Variants in FRMPD1 observed in about 807,000 individuals in gnomAD.
The protein encoded by FRMPD1 is FERM and PDZ domain containing 1, also known as FERM and PDZ domain-containing protein 1.
Under a neutral mutation model 117.8 loss-of-function variants are expected in FRMPD1, and 76 were observed. That is an observed-to-expected ratio of 0.65 (90% CI 0.54 to 0.78). The LOEUF (loss-of-function observed/expected upper bound fraction) is 0.78. Among genes scored for constraint, FRMPD1 ranks in the 30% least tolerant of loss-of-function variants. The pLI is 0.00. For missense variants in FRMPD1, 1,786 were observed against 1,964.5 expected, an observed-to-expected ratio of 0.91 and a Z score of 1.72; for synonymous variants, 783 against 770.4, an observed-to-expected ratio of 1.02 and a Z score of -0.27.
chr9:37,692,659 C>T lies in FRMPD1; in HGVS notation c.18C>T (p.Thr6=). MEELE[T]SLFQTRKAHR... ...TTAGGTAAATGGAAGAGCTGGAGAC[C>T]AGTTTATTCCAGACACGGAAAGCAC... The change falls in exon 2 of 16, where the codon ACC becomes ACT. Residue 6 remains threonine (T), a synonymous_variant. Transcript: ENST00000377765. 1 of 1,611,866 alleles carries T rather than the reference C, an allele frequency of 6.2e-7. No individual in the cohort carries two copies. The highest frequency in any genetic ancestry group is 8.5e-7 in the Non-Finnish European group (1 of 1,177,984).
chr9:37,732,007 T>C (rs1823905466), intron 9 of FRMPD1, among the ~76,000 whole-genome samples: 1 of 152,132 alleles, frequency 6.6e-6, no homozygotes, highest in South Asian at 2.1e-4. Flanking sequence ...ATAATAGCAA[T>C]AACAACGCCA....
chr9:37,671,320 A>G (rs918464340), intron 1 of FRMPD1, among the ~76,000 whole-genome samples: 5 of 152,218 alleles, frequency 3.3e-5, no homozygotes, highest in African/African-American at 1.2e-4. Flanking sequence ...CTTGAATGTC[A>G]TGAATATTTA....
rs1259716809 is a variant in FRMPD1 at position 37,744,436 on chromosome 9, A to G, written c.2404A>G (p.Asn802Asp). ...TAEPSATSLQ[N>D]KASTSSPENS... The stretch of plus-strand genomic sequence containing the variant: ...AGAACCCAGTGCCACAAGCTTGCAG[A>G]ATAAGGCCAGCACTTCTAGCCCTGA... Residue 802 changes from asparagine to aspartate, a missense_variant, in exon 16 of 16, where the codon AAT becomes GAT. By Grantham distance (23) the Asn-to-Asp change is conservative. Transcript: ENST00000377765. 1 of 1,613,528 alleles carries G rather than the reference A, an allele frequency of 6.2e-7. No individual in the cohort carries two copies.
At chr9:37,743,520 C>CTTTTTTT (rs531949141) in intron 15 of FRMPD1, among the ~76,000 whole-genome samples, 4 of 40,934 alleles carry the variant, frequency 9.8e-5, no homozygotes, top group African/African-American at 2.2e-4. Flanking sequence ...AATGGCTCTG[C>CTTTTTTT]TTTTTTTTTT....
chr9:37,701,744 A>G (rs1214693309), intron 2 of FRMPD1, among the ~76,000 whole-genome samples: 3 of 152,116 alleles, frequency 2.0e-5, no homozygotes, highest in Admixed American at 1.3e-4. Flanking sequence ...AGTCAGGGGA[A>G]ACACATGAAC....
At position 37,707,407 on chromosome 9, in the gene FRMPD1, C is replaced by G; in HGVS notation, c.102-9C>G. ...TCTTTCTCTTTTTTACATACTCCTT[C>G]TCTTCCAGGGCTAAAGTTGCTGCAG... On this transcript the variant is annotated splice_polypyrimidine_tract_variant and intron_variant, in intron 2 of 15. Coordinates refer to ENST00000377765, the MANE Select transcript of FRMPD1 (RefSeq NM_014907.3). The G allele has an allele frequency of 6.2e-7, 1 of 1,612,460 alleles. No homozygotes were observed.
chr9:37,714,242 C>G (rs1483086861), intron 5 of FRMPD1, among the ~76,000 whole-genome samples: 1 of 152,228 alleles, frequency 6.6e-6, no homozygotes, highest in African/African-American at 2.4e-5. Context: ...TGGTTATCAT[C>G]TCATTGGAGA....
At chr9:37,610,324 A>G in the FRMPD1 span, among the ~76,000 whole-genome samples, 1 of 152,312 alleles carries the variant, frequency 6.6e-6, no homozygotes. Flanking sequence ...TTTTTACTTC[A>G]GTATCCTTAG....
intron 10 of FRMPD1, 113 bp from the exon 11 acceptor site, chr9:37,733,360 G>A (rs566568909): frequency 3.0e-5 from 30 of 997,044 alleles, no homozygotes; most frequent in South Asian, 1.4e-4. Context: ...AAAGTGGCTC[G>A]TAATTGCTGT....
the FRMPD1 span, among the ~76,000 whole-genome samples, chr9:37,621,365 C>T: frequency 2.0e-5 from 3 of 152,246 alleles, no homozygotes; most frequent in African/African-American, 4.8e-5. Context: ...AAAGTGGTTA[C>T]GTGACTCTTG....
Position 37,746,526 on chromosome 9 carries a change from C to T in FRMPD1, c.4494C>T (p.Val1498=), listed in dbSNP as rs1338382143. 6.2e-7 allele frequency: 1 copy of T among 1,613,668 alleles called. No individual in the cohort carries two copies. The highest frequency in any genetic ancestry group is 8.5e-7 in the Non-Finnish European group (1 of 1,179,978). Residue 1498 remains valine, a synonymous_variant, in exon 16 of 16, where the codon GTC becomes GTT. Coordinates refer to ENST00000377765, the MANE Select transcript of FRMPD1 (RefSeq NM_014907.3). ...TGCGTGACACCTTCCAGCACCTGGT[C>T]CAGCTGGCCGGCCTGTGCTTTCAGT... ...GAVRDTFQHL[V]QLAGLCFQFT...
At chr9:37,647,353 C>T (rs945188694), upstream of FRMPD1, among the ~76,000 whole-genome samples, 6 of 150,264 alleles carry the variant, frequency 4.0e-5, no homozygotes, top group African/African-American at 1.5e-4. Flanking sequence ...ACTAAAAATA[C>T]AAAAAAAAAT....
upstream of FRMPD1, among the ~76,000 whole-genome samples, chr9:37,649,085 A>G (rs1820591000): frequency 6.6e-6 from 1 of 152,124 alleles, no homozygotes; most frequent in African/African-American, 2.4e-5. Flanking sequence ...TAGCTAGGAA[A>G]TGGAGGGGGA....
At chr9:37,620,542 A>G in the FRMPD1 span, among the ~76,000 whole-genome samples, 3 of 151,650 alleles carry the variant, frequency 2.0e-5, no homozygotes, top group Non-Finnish European at 4.4e-5. Context: ...TATTTGGGGT[A>G]ATGTTCAAGG....
chr9:37,675,952 A>G (rs917235889), intron 1 of FRMPD1, among the ~76,000 whole-genome samples: 4 of 152,208 alleles, frequency 2.6e-5, no homozygotes, highest in Non-Finnish European at 4.4e-5. Context: ...TTCTCTTCTG[A>G]GAGATCATCT....
At chr9:37,682,117 C>CT (rs35079423) in intron 1 of FRMPD1, among the ~76,000 whole-genome samples, 2 of 152,074 alleles carry the variant, frequency 1.3e-5, no homozygotes, top group African/African-American at 2.4e-5. Flanking sequence ...TACCTAGGGG[C>CT]TTTTTTTGAG....
At position 37,737,122 on chromosome 9, in the gene FRMPD1, C is replaced by T. The variant is rs780692805; in HGVS notation, c.1428C>T (p.Asn476=). 17 of 1,612,920 alleles carry T rather than the reference C, an allele frequency of 1.1e-5. No individual in the cohort carries two copies. Among genetic ancestry groups the T allele is most frequent in the Admixed American group, 3.3e-5 (2 of 60,008 alleles). ...TTCTGACTTTGCTGCTGGAATCCAA[C>T]AGTGCAAAAGACCTAGCCTGCCTGA... ...VKVLTLLLES[N]SAKDLACLIA... is the part of the protein sequence containing the mutation. The change falls in exon 14 of 16, where the codon AAC becomes AAT. Residue 476 remains asparagine, a synonymous_variant. Coordinates refer to ENST00000377765, the MANE Select transcript of FRMPD1 (RefSeq NM_014907.3).
At chr9:37,673,416 T>A (rs1426320540) in intron 1 of FRMPD1, among the ~76,000 whole-genome samples, 2 of 152,214 alleles carry the variant, frequency 1.3e-5, no homozygotes, top group East Asian at 1.9e-4. Context: ...ACAGCCTCCC[T>A]CCCAGCTGCT....
At chr9:37,653,902 G>A (rs976798790) in intron 1 of FRMPD1, among the ~76,000 whole-genome samples, 4 of 152,100 alleles carry the variant, frequency 2.6e-5, no homozygotes, top group African/African-American at 7.2e-5. Context: ...TCGAGACTGC[G>A]GTGAGCTATG....
Sources: allele counts gnomAD v4.1 joint callset (sites outside exome capture counted in the v4.1 genomes callset), GRCh38; gene constraint gnomAD v4.1.1; transcripts MANE v1.5; gene names NCBI Gene and HGNC (gene_info 2026-07-23, HGNC 2026-07-21).